The following LRP1B variants were observed in gnomAD, a reference collection of about 807,000 sequenced individuals.
The protein encoded by LRP1B is LDL receptor related protein 1B, also known as low-density lipoprotein receptor-related protein 1B.
In LRP1B, 217 loss-of-function variants were observed where a neutral mutation model predicts 556.6. The ratio of observed to expected loss-of-function variants is 0.39; its 90% CI spans 0.35 to 0.44. LRP1B has a LOEUF of 0.44. LRP1B is among the 20% of genes least tolerant of loss of function. The probability of loss-of-function intolerance (pLI) is 1.00; values close to 1 mark genes in which losing one functional copy is unlikely to be tolerated. For missense variants in LRP1B, 5,053 were observed against 5,620.8 expected, an observed-to-expected ratio of 0.90 and a Z score of 3.23; for synonymous variants, 2,047 against 1,865.8, an observed-to-expected ratio of 1.10 and a Z score of -2.50.
chr2:141,734,720 C>T (rs1179018040), intron 2 of LRP1B, among the ~76,000 whole-genome samples: 2 of 152,062 alleles, frequency 1.3e-5, no homozygotes, highest in African/African-American at 4.8e-5. Flanking sequence ...CCTGAGAGCA[C>T]TTTGGATGAT....
Position 141,002,614 on chromosome 2 carries a change from C to T in LRP1B, c.2503+2721G>A, listed in dbSNP as rs1235367776. ...AAATACTATGTAAATAGTTTCCATA[C>T]TATATTGCTTAGGAAATAATTACAA... On this transcript the variant is annotated intron_variant, in intron 15 of 90. Coordinates refer to ENST00000389484, the MANE Select transcript of LRP1B (RefSeq NM_018557.3). 3.9e-5 allele frequency among the ~76,000 whole-genome samples: 6 copies of T among 152,142 alleles called. No individual in the cohort carries two copies. The East Asian group carries it at 7.8e-4, about 20-fold the overall frequency.
intron 35 of LRP1B, among the ~76,000 whole-genome samples, chr2:140,720,954 T>C (rs1206284527): frequency 6.6e-6 from 1 of 152,172 alleles, no homozygotes; most frequent in East Asian, 1.9e-4. Flanking sequence ...GGCTGGGTTC[T>C]TATCACTGTT....
intron 79 of LRP1B, among the ~76,000 whole-genome samples, chr2:140,331,099 C>G (rs1680785969): frequency 6.6e-6 from 1 of 152,040 alleles, no homozygotes; most frequent in Non-Finnish European, 1.5e-5. Flanking sequence ...ATAAATAATT[C>G]TATTGTAAAG....
chr2:140,435,148 C>T (rs1686117707), intron 66 of LRP1B, among the ~76,000 whole-genome samples: 1 of 152,138 alleles, frequency 6.6e-6, no homozygotes, highest in Non-Finnish European at 1.5e-5. Context: ...ATCTGCAAAA[C>T]AGAAGCTTAT....
chr2:140,737,817 C>T (rs1687996145), intron 35 of LRP1B, among the ~76,000 whole-genome samples: 1 of 152,146 alleles, frequency 6.6e-6, no homozygotes. Flanking sequence ...TAGATGAATG[C>T]CGGAGAATGA....
At chr2:141,170,256 G>C (rs1179147074) in intron 7 of LRP1B, among the ~76,000 whole-genome samples, 1 of 152,038 alleles carries the variant, frequency 6.6e-6, no homozygotes, top group African/African-American at 2.4e-5. Flanking sequence ...CTAAAACGTG[G>C]CTCTCATGGC....
At chr2:141,398,559 A>G (rs1362987490) in intron 3 of LRP1B, among the ~76,000 whole-genome samples, 3 of 152,154 alleles carry the variant, frequency 2.0e-5, no homozygotes, top group African/African-American at 4.8e-5. Context: ...TTTTAATGTC[A>G]TCATTGTACC....
intron 84 of LRP1B, among the ~76,000 whole-genome samples, chr2:140,283,515 T>C (rs1321786314): frequency 6.6e-6 from 1 of 150,796 alleles, no homozygotes; most frequent in African/African-American, 2.4e-5. Flanking sequence ...AATATTTCTA[T>C]ATAAAGGAAT....
At chr2:141,194,708 C>T (rs1047345814) in intron 6 of LRP1B, among the ~76,000 whole-genome samples, 45 of 152,064 alleles carry the variant, frequency 3.0e-4, no homozygotes, top group Non-Finnish European at 1.5e-5. Flanking sequence ...TCTAATTAAA[C>T]ATGTTTTTGA....
intron 35 of LRP1B, among the ~76,000 whole-genome samples, chr2:140,763,405 T>C (rs1573683353): frequency 6.6e-6 from 1 of 151,870 alleles, no homozygotes. Context: ...AAAAAGAAAG[T>C]TTTCCTAATG....
At chr2:141,149,635 C>A (rs985565504) in intron 7 of LRP1B, among the ~76,000 whole-genome samples, 1 of 152,078 alleles carries the variant, frequency 6.6e-6, no homozygotes, top group South Asian at 2.1e-4. Flanking sequence ...CTTGATGTTC[C>A]CCAAACTACC....
At chr2:141,282,771 T>G (rs914080082) in intron 3 of LRP1B, among the ~76,000 whole-genome samples, 1 of 152,062 alleles carries the variant, frequency 6.6e-6, no homozygotes. Context: ...GAAGTGTCCA[T>G]GGTTTCCAGA....
At chr2:141,552,912 G>T (rs1421034764) in intron 2 of LRP1B, among the ~76,000 whole-genome samples, 1 of 151,872 alleles carries the variant, frequency 6.6e-6, no homozygotes, top group Non-Finnish European at 1.5e-5. Flanking sequence ...GGATAATAAG[G>T]GGATTCAAAA....
At chr2:141,326,282 T>G (rs937664446) in intron 3 of LRP1B, among the ~76,000 whole-genome samples, 5 of 152,146 alleles carry the variant, frequency 3.3e-5, no homozygotes, top group African/African-American at 1.2e-4. Context: ...TTTCAGAATT[T>G]ATCTAGATCG....
At chr2:140,638,914 T>C (rs1462303580) in intron 41 of LRP1B, among the ~76,000 whole-genome samples, 1 of 151,944 alleles carries the variant, frequency 6.6e-6, no homozygotes, top group Non-Finnish European at 1.5e-5. Flanking sequence ...TATATATAGT[T>C]CGTATTTCAT....
At chr2:141,507,031 A>T (rs988043483) in intron 2 of LRP1B, among the ~76,000 whole-genome samples, 4 of 152,150 alleles carry the variant, frequency 2.6e-5, no homozygotes, top group African/African-American at 9.6e-5. Context: ...CTTCTACAGA[A>T]GGTGTTTGAT....
intron 1 of LRP1B, among the ~76,000 whole-genome samples, chr2:142,015,991 CAA>C (rs70994471): frequency 9.5e-4 from 37 of 38,796 alleles, no homozygotes; most frequent in Admixed American, 3.5e-3. Context: ...GACTCCATCT[CAA>C]AAAAAAAAAA....
At chr2:141,545,715 T>C (rs1304915934) in intron 2 of LRP1B, among the ~76,000 whole-genome samples, 1 of 151,868 alleles carries the variant, frequency 6.6e-6, no homozygotes, top group African/African-American at 2.4e-5. Flanking sequence ...GTGAAGAACC[T>C]CTCCCAGTTG....
chr2:141,205,159 TAATA>T (rs1003331709), intron 6 of LRP1B, among the ~76,000 whole-genome samples: 1 of 152,182 alleles, frequency 6.6e-6, no homozygotes, highest in African/African-American at 2.4e-5. Flanking sequence ...CACAAAGCTC[TAATA>T]AATTTAGATG....
Sources: gnomAD v4.1 joint callset for allele counts (sites outside exome capture counted in the v4.1 genomes callset) on GRCh38, gnomAD v4.1.1 for gene constraint, MANE v1.5 for transcripts, NCBI Gene and HGNC (gene_info 2026-07-23, HGNC 2026-07-21) for gene names.